NOL10: variants seen among roughly 807,000 people sequenced by gnomAD.
The protein encoded by NOL10 is H_NH0074G24.1.
A neutral mutation model predicts 103.5 loss-of-function variants in NOL10; 58 were observed. The observed-to-expected ratio is 0.56, with a 90% CI of 0.45 to 0.70. The LOEUF (loss-of-function observed/expected upper bound fraction) is 0.70, where lower values mean the gene tolerates loss of function less well. Among genes scored for constraint, NOL10 ranks in the 30% least tolerant of loss-of-function variants. The pLI is 0.00. For synonymous variants in NOL10, 287 were observed against 282.5 expected, an observed-to-expected ratio of 1.02 and a Z score of -0.16; for missense variants, 763 against 807.3, an observed-to-expected ratio of 0.95 and a Z score of 0.67.
At chr2:10,688,269 A>G (rs1263719346) in intron 1 of NOL10, among the ~76,000 whole-genome samples, 1 of 152,182 alleles carries the variant, frequency 6.6e-6, no homozygotes, top group Non-Finnish European at 1.5e-5. Flanking sequence ...CATTTGTCGC[A>G]CAGCAGCCCA....
Position 10,616,409 on chromosome 2 carries a change from G to A in NOL10, c.1027-9098C>T, listed in dbSNP as rs998656965. 5.9e-5 allele frequency among the ~76,000 whole-genome samples: 9 copies of A among 151,730 alleles called. No individual in the cohort carries two copies. The South Asian group carries it at 6.3e-4, about 11-fold the overall frequency. On this transcript the variant is annotated intron_variant, in intron 13 of 20. Transcript: ENST00000381685. ...TAATTTTTGTATTTTTAGTAGAGAC[G>A]GGGTTTCACCATGTTGGCCAGGCTA...
chr2:10,592,627 T>C (rs1675448508), intron 17 of NOL10, among the ~76,000 whole-genome samples: 1 of 152,220 alleles, frequency 6.6e-6, no homozygotes, highest in African/African-American at 2.4e-5. Flanking sequence ...GGGCAAATAT[T>C]TACTTTTCAT....
chr2:10,583,246 T>C (rs1392292050), intron 19 of NOL10, among the ~76,000 whole-genome samples: 2 of 152,386 alleles, frequency 1.3e-5, no homozygotes, highest in Non-Finnish European at 1.5e-5. Flanking sequence ...TAAAATTCTA[T>C]GTAAATACAT....
chr2:10,679,911 C>T (rs982245410), intron 3 of NOL10, among the ~76,000 whole-genome samples: 4 of 152,028 alleles, frequency 2.6e-5, no homozygotes, highest in African/African-American at 9.7e-5. Context: ...GTGAGCCACC[C>T]CGCCCAGCCC....
Position 10,644,320 on chromosome 2 carries a change from T to A in NOL10, c.1026A>T (p.Pro342=). The change falls in exon 13 of 21, where the codon CCA becomes CCT. Residue 342 remains proline (P), a splice_region_variant and synonymous_variant. Transcript: ENST00000381685. ...ETPKMGIYYI[P]VLGPAPRWCS... ...TGAAACTCCTCTTTGTATTACTTAC[T>A]GGAATGTAATAGATGCCCATCTTGG... 1 of 1,521,202 alleles carries A rather than the reference T, an allele frequency of 6.6e-7. No homozygotes were observed. The allele number at this position is 1,521,202 out of a possible 1,614,324, so 94.2% of individuals were successfully genotyped here.
chr2:10,662,147 T>A (rs901800786), intron 9 of NOL10, among the ~76,000 whole-genome samples: 2 of 152,210 alleles, frequency 1.3e-5, no homozygotes, highest in Non-Finnish European at 2.9e-5. Flanking sequence ...ATTTTTTTCA[T>A]CTATAAAATA....
chr2:10,678,626 T>A (rs1681498357), intron 3 of NOL10, among the ~76,000 whole-genome samples: 1 of 152,174 alleles, frequency 6.6e-6, no homozygotes, highest in African/African-American at 2.4e-5. Flanking sequence ...TTCCCTTAGA[T>A]AATCTATTTC....
intron 19 of NOL10, among the ~76,000 whole-genome samples, chr2:10,578,522 T>C (rs946875810): frequency 2.0e-5 from 3 of 152,232 alleles, no homozygotes; most frequent in South Asian, 2.1e-4. Context: ...TCTCTTTATA[T>C]AATCTGTGTC....
Position 10,577,573 on chromosome 2 carries a change from A to T in NOL10, c.1947+63T>A. 4 of 1,185,228 alleles carry T rather than the reference A, an allele frequency of 3.4e-6. No individual in the cohort carries two copies. The South Asian group carries it at 4.0e-5, about 12-fold the overall frequency. 73.4% of individuals were successfully genotyped at this position (1,185,228 alleles called of 1,614,324 possible). A position where few individuals can be genotyped will look rare whatever the true frequency, so the allele number is the denominator to read the frequency against. ...AAGGCTGCTCTGAGGACACACACAC[A>T]AACACTATTGAAAGGCTATTTTTCT... On this transcript the variant is annotated intron_variant, in intron 20 of 20. Transcript: ENST00000381685.
chr2:10,637,145 T>C (rs746490865), intron 13 of NOL10, among the ~76,000 whole-genome samples: 13 of 129,592 alleles, frequency 1.0e-4, no homozygotes, highest in South Asian at 2.4e-4. Context: ...AGGTTGATTG[T>C]GCTACTGCAC....
chr2:10,669,622 G>A (rs181807758), intron 6 of NOL10, among the ~76,000 whole-genome samples: 4 of 151,246 alleles, frequency 2.6e-5, no homozygotes, highest in Admixed American at 2.0e-4. Context: ...GCTGGGCAGC[G>A]GTGGCTCACG....
At chr2:10,603,856 T>C (rs1157648480) in intron 14 of NOL10, among the ~76,000 whole-genome samples, 31 of 152,296 alleles carry the variant, frequency 2.0e-4, no homozygotes. Context: ...ATTCCAAATA[T>C]TGACACAGAA....
intron 13 of NOL10, among the ~76,000 whole-genome samples, chr2:10,638,512 G>A (rs1270261758): frequency 5.3e-5 from 2 of 37,436 alleles, no homozygotes; most frequent in African/African-American, 1.9e-4. Context: ...TTTTTTTTGA[G>A]ATAGAGTCTC....
chr2:10,666,456 A>T (rs1680572538), intron 8 of NOL10, among the ~76,000 whole-genome samples: 1 of 151,932 alleles, frequency 6.6e-6, no homozygotes. Context: ...AGCCTCCCAA[A>T]TAGCTGGGAT....
At chr2:10,613,730 T>C (rs532583342) in intron 13 of NOL10, among the ~76,000 whole-genome samples, 1 of 152,336 alleles carries the variant, frequency 6.6e-6, no homozygotes, top group African/African-American at 2.4e-5. Flanking sequence ...AGGTAAGAAC[T>C]ACATTTACTA....
chr2:10,617,861 T>C (rs1164664486), intron 13 of NOL10, among the ~76,000 whole-genome samples: 1 of 152,100 alleles, frequency 6.6e-6, no homozygotes, highest in Admixed American at 6.6e-5. Context: ...GACCACGTAC[T>C]GTACACGAAT....
chr2:10,602,324 A>C (rs185764412), intron 16 of NOL10, among the ~76,000 whole-genome samples: 1 of 152,308 alleles, frequency 6.6e-6, no homozygotes, highest in East Asian at 1.9e-4. Context: ...TCCAATACCA[A>C]GTTAATCATT....
intron 3 of NOL10, among the ~76,000 whole-genome samples, chr2:10,679,134 C>T (rs1175688590): frequency 6.6e-6 from 1 of 151,622 alleles, no homozygotes; most frequent in Non-Finnish European, 1.5e-5. Flanking sequence ...CTGAGGTGGG[C>T]GGATCACCTG....
chr2:10,644,109 G>A (rs1182849346), intron 13 of NOL10, among the ~76,000 whole-genome samples: 2 of 152,132 alleles, frequency 1.3e-5, no homozygotes, highest in East Asian at 3.9e-4. Context: ...AATTAGCCAG[G>A]TGTGGTAGCG....
Sources: gnomAD v4.1 joint callset for allele counts (sites outside exome capture counted in the v4.1 genomes callset) on GRCh38, gnomAD v4.1.1 for gene constraint, MANE v1.5 for transcripts, NCBI Gene and HGNC (gene_info 2026-07-23, HGNC 2026-07-21) for gene names.